TTLL11: variants seen among roughly 807,000 people sequenced by gnomAD.
The protein encoded by TTLL11 is tubulin polyglutamylase TTLL11.
A neutral mutation model predicts 51.7 loss-of-function variants in TTLL11; 42 were observed. The observed-to-expected ratio is 0.81, with a 90% CI of 0.64 to 1.05. The LOEUF is 1.05. TTLL11 is among the 50% of genes least tolerant of loss of function. The pLI is 0.00. For synonymous variants in TTLL11, 381 were observed against 383.5 expected (o/e 0.99, Z 0.08); for missense variants, 799 against 940.4 (o/e 0.85, Z 1.97).
intron 6 of TTLL11, among the ~76,000 whole-genome samples, chr9:121,872,603 C>G (rs559631339): frequency 6.6e-6 from 1 of 152,154 alleles, no homozygotes; most frequent in African/African-American, 2.4e-5. Flanking sequence ...TAGCCCTGTA[C>G]GAACGGTCCT....
At chr9:122,082,356 G>A (rs1019440646) in intron 1 of TTLL11, among the ~76,000 whole-genome samples, 20 of 152,050 alleles carry the variant, frequency 1.3e-4, no homozygotes, top group Admixed American at 5.2e-4. Context: ...ATACAAAACA[G>A]CTAGACATAG....
At chr9:121,994,685 T>C (rs1254283448) in intron 3 of TTLL11, among the ~76,000 whole-genome samples, 18 of 152,154 alleles carry the variant, frequency 1.2e-4, no homozygotes, top group Admixed American at 1.2e-3. Flanking sequence ...GGAAGGCCCT[T>C]GAATGTTGGT....
chr9:121,939,865 T>G (rs1315916891), intron 6 of TTLL11, among the ~76,000 whole-genome samples: 1 of 152,100 alleles, frequency 6.6e-6, no homozygotes, highest in African/African-American at 2.4e-5. Flanking sequence ...CGTCCAGGCT[T>G]CAGCTGCTTG....
intron 3 of TTLL11, among the ~76,000 whole-genome samples, chr9:122,021,592 T>A (rs930269605): frequency 2.0e-5 from 3 of 152,144 alleles, no homozygotes; most frequent in African/African-American, 7.2e-5. Flanking sequence ...AGACTGTTGC[T>A]TGAGTAGTGA....
At chr9:122,039,877 C>T (rs1844795380) in intron 1 of TTLL11, among the ~76,000 whole-genome samples, 1 of 151,980 alleles carries the variant, frequency 6.6e-6, no homozygotes, top group Admixed American at 6.6e-5. Context: ...CTCTCTCTCT[C>T]TCTCTCTCTC....
At chr9:121,850,836 C>G (rs141478277) in intron 8 of TTLL11, among the ~76,000 whole-genome samples, 1 of 152,190 alleles carries the variant, frequency 6.6e-6, no homozygotes, top group African/African-American at 2.4e-5. Flanking sequence ...ACCATCACGT[C>G]CTTGGTAATT....
In TTLL11 at chr9:121,817,171, T is replaced by A. The variant is rs1032457073; in HGVS notation, c.*5416A>T. ...CATTAGTCAAGAAATGGGGAAAAAA[T>A]TAAGCTATTCTGGAGGGACACTCTG... On this transcript the variant is annotated 3_prime_UTR_variant, in exon 9 of 9. Transcript: ENST00000321582. 6.6e-6 allele frequency: 1 copy of A among 151,860 alleles called. No individual in the cohort carries two copies. Among genetic ancestry groups the A allele is most frequent in the Non-Finnish European group, 1.5e-5 (1 of 67,988 alleles). 9.4% of individuals were successfully genotyped at this position (151,860 alleles called of 1,614,324 possible).
intron 2 of TTLL11, among the ~76,000 whole-genome samples, chr9:122,034,616 C>T (rs1418482158): frequency 6.6e-6 from 1 of 152,174 alleles, no homozygotes; most frequent in Non-Finnish European, 1.5e-5. Flanking sequence ...GAAAGAGTTT[C>T]TGGCCCCTCA....
intron 4 of TTLL11, among the ~76,000 whole-genome samples, chr9:121,977,746 CTCACT>C (rs2131666157): frequency 6.6e-6 from 1 of 150,518 alleles, no homozygotes; most frequent in Non-Finnish European, 1.5e-5. Context: ...ACCATCTCGG[CTCACT>C]GCAACCTCCG....
At chr9:121,978,330 C>T (rs1483414105) in intron 4 of TTLL11, among the ~76,000 whole-genome samples, 1 of 152,122 alleles carries the variant, frequency 6.6e-6, no homozygotes, top group Admixed American at 6.5e-5. Context: ...CAGGTATTTA[C>T]TTGGTCCAGT....
rs1296070826 is a variant in TTLL11, at chr9:121,989,861, G to T, written c.694-91C>A. 2.0e-6 allele frequency: 3 copies of T among 1,511,016 alleles called. No individual in the cohort carries two copies. In the East Asian group the frequency reaches 6.8e-5, roughly 34 times the overall value. 93.6% of individuals were successfully genotyped at this position (1,511,016 alleles called of 1,614,324 possible). A position where few individuals can be genotyped will look rare whatever the true frequency, so the allele number is the denominator to read the frequency against. On this transcript the variant is annotated intron_variant, in intron 3 of 8. Coordinates refer to ENST00000321582, the MANE Select transcript of TTLL11 (RefSeq NM_001139442.2). The surrounding 1 kb of genome is among the most constrained non-coding windows in gnomAD (Gnocchi z 4.2). ...AGGCCTTAGCAAATGTGTGGTGAATGAGTGACAAGATGATCCCTGCCGATC... is the reference window on the plus strand; with the variant it reads ...AGGCCTTAGCAAATGTGTGGTGAATTAGTGACAAGATGATCCCTGCCGATC...
chr9:122,074,934 CTG>C (rs1315783118), intron 1 of TTLL11, among the ~76,000 whole-genome samples: 2 of 151,592 alleles, frequency 1.3e-5, no homozygotes, highest in African/African-American at 2.4e-5. Flanking sequence ...CTAAAATAGT[CTG>C]TGTTTCTAAA....
chr9:121,990,270 T>C (rs964787943), intron 3 of TTLL11, among the ~76,000 whole-genome samples: 3 of 152,250 alleles, frequency 2.0e-5, no homozygotes, highest in African/African-American at 7.2e-5. Flanking sequence ...TCAGATGGCC[T>C]GGGCTCAGAC....
intron 6 of TTLL11, among the ~76,000 whole-genome samples, chr9:121,959,479 G>A (rs11999424): frequency 0.077 from 11,740 of 152,200 alleles, 681 homozygotes; most frequent in African/African-American, 0.16. Context: ...ACTGGCACCA[G>A]CAGCCACCCA....
At chr9:121,954,503 T>G (rs1028144342) in intron 6 of TTLL11, among the ~76,000 whole-genome samples, 2 of 152,224 alleles carry the variant, frequency 1.3e-5, no homozygotes, top group African/African-American at 2.4e-5. Flanking sequence ...CCAGAACTAT[T>G]TTTAGAAACA....
intron 3 of TTLL11, among the ~76,000 whole-genome samples, chr9:122,004,461 T>C (rs938447877): frequency 6.6e-6 from 1 of 152,054 alleles, no homozygotes; most frequent in Admixed American, 6.5e-5. Flanking sequence ...GCACTTCTCC[T>C]GCCTCAGCCT....
At chr9:121,874,493 A>G (rs909411381) in intron 6 of TTLL11, among the ~76,000 whole-genome samples, 3 of 152,234 alleles carry the variant, frequency 2.0e-5, no homozygotes, top group African/African-American at 7.2e-5. Flanking sequence ...CAACACTATT[A>G]ACATTTTGAT....
At chr9:121,930,824 C>A (rs1350654404) in intron 6 of TTLL11, among the ~76,000 whole-genome samples, 1 of 152,218 alleles carries the variant, frequency 6.6e-6, no homozygotes, top group Non-Finnish European at 1.5e-5. Flanking sequence ...TGTTTTAATG[C>A]AAATTTCCTC....
intron 3 of TTLL11, among the ~76,000 whole-genome samples, chr9:122,001,810 C>G (rs1843476669): frequency 6.6e-6 from 1 of 152,196 alleles, no homozygotes; most frequent in Non-Finnish European, 1.5e-5. Flanking sequence ...GACACTCAGC[C>G]TGATCATTTA....
Sources: allele counts gnomAD v4.1 joint callset (sites outside exome capture counted in the v4.1 genomes callset), GRCh38; gene constraint gnomAD v4.1.1; non-coding constraint Gnocchi (gnomAD v3.1); transcripts MANE v1.5; gene names NCBI Gene and HGNC (gene_info 2026-07-23, HGNC 2026-07-21).